AGBL4: variants seen among roughly 807,000 people sequenced by gnomAD.
AGBL4 encodes cytosolic carboxypeptidase 6.
Under a neutral mutation model 66.4 loss-of-function variants are expected in AGBL4, and 58 were observed. The ratio of observed to expected loss-of-function variants is 0.87; its 90% CI spans 0.71 to 1.09. AGBL4 has a LOEUF of 1.09. AGBL4 is among the 50% of genes least tolerant of loss of function. AGBL4 has a pLI of 0.00. For synonymous variants in AGBL4, 234 were observed against 222.9 expected (o/e 1.05, Z -0.44); for missense variants, 579 against 631.0 (o/e 0.92, Z 0.88).
chr1:49,653,586 G>A (rs1316705991), intron 3 of AGBL4, among the ~76,000 whole-genome samples: 2 of 151,778 alleles, frequency 1.3e-5, no homozygotes, highest in East Asian at 2.0e-4. Context: ...AACATTACAG[G>A]AACTGTTAAC....
chr1:48,991,344 GGCTGCCA>G (rs1487036334), intron 5 of AGBL4, among the ~76,000 whole-genome samples: 80 of 151,632 alleles, frequency 5.3e-4, no homozygotes, highest in African/African-American at 2.0e-3. Context: ...CTGAAAAGTC[GGCTGCCA>G]GATGTACTGG....
chr1:49,105,606 G>T (rs1645278247), intron 4 of AGBL4, among the ~76,000 whole-genome samples: 1 of 152,186 alleles, frequency 6.6e-6, no homozygotes, highest in African/African-American at 2.4e-5. Flanking sequence ...AAGCTTTAGA[G>T]TAAGTGGGAC....
intron 1 of AGBL4, among the ~76,000 whole-genome samples, chr1:49,934,824 CAAAAAA>C (rs1196613164): frequency 5.3e-4 from 61 of 114,226 alleles, no homozygotes; most frequent in African/African-American, 1.7e-3. Context: ...ATCAGAGATA[CAAAAAA>C]AAAAAAAAAT....
At position 49,279,666 on chromosome 1, in the gene AGBL4, A is replaced by G. The variant is rs541401766; in HGVS notation, c.283-33802T>C. Among the ~76,000 whole-genome samples the G allele has an allele frequency of 5.3e-5, 8 of 152,188 alleles. No individual in the cohort carries two copies. In the South Asian group the frequency reaches 1.0e-3, roughly 20 times the overall value. On this transcript the variant is annotated intron_variant, in intron 3 of 13. Coordinates refer to ENST00000371839, the MANE Select transcript of AGBL4 (RefSeq NM_032785.4). ...CCCACTTCTAAAATGAAGATAAATG[A>G]CTAATTCCAAACCTGCTAAAACCAT...
At position 48,670,322 on chromosome 1, in the gene AGBL4, C is replaced by T. The variant is rs144371207; in HGVS notation, c.635-7081G>A. Among the ~76,000 whole-genome samples, 197 of 152,272 alleles carry T rather than the reference C, an allele frequency of 1.3e-3. 7 individuals carry two copies. In the East Asian group the frequency reaches 0.035, roughly 27 times the overall value. ...CACTATGAAGAAGAAGGGCAGAGGA[C>T]CAGAAAGAACGAGTGACTTGCCCCT... On this transcript the variant is annotated intron_variant, in intron 6 of 13. Coordinates refer to ENST00000371839, the MANE Select transcript of AGBL4 (RefSeq NM_032785.4).
chr1:49,676,215 C>T (rs1025674081), intron 3 of AGBL4, among the ~76,000 whole-genome samples: 1 of 152,000 alleles, frequency 6.6e-6, no homozygotes, highest in Non-Finnish European at 1.5e-5. Context: ...TGTTAGCAAA[C>T]CACTCCATTA....
intron 3 of AGBL4, among the ~76,000 whole-genome samples, chr1:49,691,984 C>T (rs1646897115): frequency 1.3e-5 from 2 of 152,020 alleles, no homozygotes; most frequent in African/African-American, 2.4e-5. Flanking sequence ...TTAATAAACT[C>T]CCCATATATA....
intron 6 of AGBL4, among the ~76,000 whole-genome samples, chr1:48,740,492 G>A (rs1017633958): frequency 6.6e-6 from 1 of 152,294 alleles, no homozygotes; most frequent in Admixed American, 6.5e-5. Context: ...TTTAGACAAA[G>A]AAACACAATG....
At chr1:49,471,564 G>A (rs1646745747) in intron 3 of AGBL4, among the ~76,000 whole-genome samples, 1 of 151,732 alleles carries the variant, frequency 6.6e-6, no homozygotes, top group African/African-American at 2.4e-5. Context: ...GAATGACATG[G>A]TGGTCAGTTC....
chr1:48,933,209 T>A (rs1655176100), intron 5 of AGBL4, among the ~76,000 whole-genome samples: 2 of 152,232 alleles, frequency 1.3e-5, no homozygotes. Context: ...TATGTGTATG[T>A]GTATTTGTTT....
intron 6 of AGBL4, among the ~76,000 whole-genome samples, chr1:48,845,282 A>T (rs1365498826): frequency 6.6e-6 from 1 of 152,224 alleles, no homozygotes; most frequent in Non-Finnish European, 1.5e-5. Flanking sequence ...TAATCGGAAC[A>T]AGGTGACTTA....
At chr1:48,643,705 C>T (rs935002283) in intron 8 of AGBL4, among the ~76,000 whole-genome samples, 2 of 152,214 alleles carry the variant, frequency 1.3e-5, no homozygotes, top group Admixed American at 6.5e-5. Flanking sequence ...AAGAATGGGT[C>T]TTCTTCTCCA....
At chr1:49,707,692 G>A (rs182411672) in intron 2 of AGBL4, among the ~76,000 whole-genome samples, 104 of 152,092 alleles carry the variant, frequency 6.8e-4, no homozygotes, top group Middle Eastern at 3.4e-3. Flanking sequence ...GGCAGGTACC[G>A]GTTTTTCCTT....
intron 6 of AGBL4, among the ~76,000 whole-genome samples, chr1:48,745,630 T>C (rs1650618091): frequency 6.6e-6 from 1 of 152,164 alleles, no homozygotes; most frequent in Admixed American, 6.5e-5. Flanking sequence ...CCTAGAGATG[T>C]CCACCTATAC....
intron 1 of AGBL4, among the ~76,000 whole-genome samples, chr1:49,943,382 C>T (rs910964673): frequency 2.6e-5 from 4 of 152,164 alleles, no homozygotes; most frequent in African/African-American, 7.2e-5. Context: ...TCAGGAAAGC[C>T]AAGAGAACCC....
At chr1:48,822,911 C>G (rs1163604484) in intron 6 of AGBL4, among the ~76,000 whole-genome samples, 2 of 152,162 alleles carry the variant, frequency 1.3e-5, no homozygotes, top group African/African-American at 2.4e-5. Context: ...GCCTTTTTGG[C>G]ATCCACATTG....
At chr1:48,789,625 G>A (rs1158259155) in intron 6 of AGBL4, among the ~76,000 whole-genome samples, 1 of 152,116 alleles carries the variant, frequency 6.6e-6, no homozygotes, top group East Asian at 1.9e-4. Context: ...GTAGAGTAAG[G>A]GGTACTTGAA....
chr1:50,003,103 A>G (rs551313756), intron 1 of AGBL4, among the ~76,000 whole-genome samples: 41 of 152,344 alleles, frequency 2.7e-4, no homozygotes, highest in African/African-American at 9.6e-4. Flanking sequence ...ATTTGCTTAT[A>G]ATCTTATGAG....
At chr1:48,867,148 G>C in intron 6 of AGBL4, 43 bp downstream of exon 6, 1 of 1,603,598 alleles carries the variant, frequency 6.2e-7, no homozygotes, top group Non-Finnish European at 8.5e-7. Context: ...CATCATTCAA[G>C]AAATAAGGGA....
Sources: allele counts gnomAD v4.1 joint callset (sites outside exome capture counted in the v4.1 genomes callset), GRCh38; gene constraint gnomAD v4.1.1; transcripts MANE v1.5; gene names NCBI Gene and HGNC (gene_info 2026-07-23, HGNC 2026-07-21).